The following RBFOX1 variants were observed in gnomAD, a reference collection of about 807,000 sequenced individuals.
The protein encoded by RBFOX1 is RNA binding protein fox-1 homolog 1.
RBFOX1 carries 8 observed loss-of-function variants against 57.7 expected under a neutral mutation model. The observed-to-expected ratio is 0.14, with a 90% CI of 0.08 to 0.25. The LOEUF (loss-of-function observed/expected upper bound fraction) is 0.25, where lower values mean the gene tolerates loss of function less well. Among genes scored for constraint, RBFOX1 ranks in the 10% least tolerant of loss-of-function variants. The pLI, the probability that RBFOX1 is intolerant of heterozygous loss-of-function variation, is 1.00. For synonymous variants in RBFOX1, 326 were observed against 222.4 expected (o/e 1.47, Z -4.15); for missense variants, 611 against 548.5 (o/e 1.11, Z -1.14).
At chr16:7,575,789 G>C (rs1032557538) in intron 5 of RBFOX1, among the ~76,000 whole-genome samples, 2 of 152,130 alleles carry the variant, frequency 1.3e-5, no homozygotes, top group African/African-American at 4.8e-5. Flanking sequence ...CCAGAAAAAA[G>C]AGAAAGAAAA....
At chr16:5,402,279 C>T (rs1596872811) in intron 1 of RBFOX1, among the ~76,000 whole-genome samples, 1 of 152,174 alleles carries the variant, frequency 6.6e-6, no homozygotes, top group Non-Finnish European at 1.5e-5. Context: ...CTCTCCTCCT[C>T]GCCTCTATCA....
intron 4 of RBFOX1, among the ~76,000 whole-genome samples, chr16:7,395,121 T>G (rs2098119943): frequency 6.6e-6 from 1 of 152,122 alleles, no homozygotes; most frequent in South Asian, 2.1e-4. Flanking sequence ...ATCCAATCTG[T>G]AGCTAAGAAC....
chr16:6,812,610 C>T (rs2088990375), intron 3 of RBFOX1, among the ~76,000 whole-genome samples: 1 of 152,130 alleles, frequency 6.6e-6, no homozygotes, highest in Non-Finnish European at 1.5e-5. Context: ...CTCCTGACCT[C>T]AATTGATCCA....
intron 2 of RBFOX1, among the ~76,000 whole-genome samples, chr16:5,566,309 C>A (rs2046064967): frequency 6.6e-6 from 1 of 152,098 alleles, no homozygotes; most frequent in Non-Finnish European, 1.5e-5. Flanking sequence ...ACTGTAACGG[C>A]ATTCCACTGT....
intron 3 of RBFOX1, among the ~76,000 whole-genome samples, chr16:6,792,148 A>T (rs75613704): frequency 0.029 from 4,384 of 152,286 alleles, 194 homozygotes; most frequent in African/African-American, 0.096. Flanking sequence ...AAACACATAA[A>T]CTATGCTTTT....
At chr16:5,246,671 TTC>T (rs2062307933) in intron 1 of RBFOX1, among the ~76,000 whole-genome samples, 1 of 151,230 alleles carries the variant, frequency 6.6e-6, no homozygotes, top group Non-Finnish European at 1.5e-5. Context: ...AATTTTCTTT[TTC>T]TTTCTTTTTT....
chr16:6,660,224 TAAAA>T (rs112347010), intron 3 of RBFOX1, among the ~76,000 whole-genome samples: 1 of 122,730 alleles, frequency 8.1e-6, no homozygotes, highest in Admixed American at 8.2e-5. Context: ...GACTTCATCT[TAAAA>T]AAAAAAAAAA....
At chr16:5,432,997 G>T (rs2067800994) in intron 1 of RBFOX1, among the ~76,000 whole-genome samples, 1 of 152,042 alleles carries the variant, frequency 6.6e-6, no homozygotes, top group South Asian at 2.1e-4. Context: ...TGTTGGCCAG[G>T]GTGGTCTCAA....
In RBFOX1 at chr16:7,008,377, A is replaced by G. The variant is rs138928053; in HGVS notation, c.-15-43680A>G. On this transcript the variant is annotated intron_variant, in intron 3 of 15. Transcript: ENST00000550418. ...GCCAGTATGATGAAACCCTGTCTCTACTAAAAATACAAAAATTAGCCAGGC... is the reference window on the plus strand; with the variant it reads ...GCCAGTATGATGAAACCCTGTCTCTGCTAAAAATACAAAAATTAGCCAGGC... 4.2e-3 allele frequency among the ~76,000 whole-genome samples: 632 copies of G among 152,098 alleles called. 1 individual carries two copies. Among genetic ancestry groups the G allele is most frequent in the Admixed American group, 9.3e-3 (142 of 15,276 alleles).
At chr16:5,865,511 A>G (rs1001355850) in intron 3 of RBFOX1, among the ~76,000 whole-genome samples, 2 of 152,134 alleles carry the variant, frequency 1.3e-5, no homozygotes, top group Admixed American at 6.5e-5. Flanking sequence ...TTAGAGGGCT[A>G]ATGGTGCATG....
At chr16:7,392,627 C>T (rs2098054503) in intron 4 of RBFOX1, among the ~76,000 whole-genome samples, 1 of 152,148 alleles carries the variant, frequency 6.6e-6, no homozygotes, top group Non-Finnish European at 1.5e-5. Context: ...GCCACTTTCT[C>T]CTAATCCCCT....
intron 2 of RBFOX1, among the ~76,000 whole-genome samples, chr16:6,326,154 T>C (rs1225494257): frequency 6.6e-6 from 1 of 152,244 alleles, no homozygotes; most frequent in African/African-American, 2.4e-5. Context: ...CAAGTTGCTA[T>C]GACATTGATA....
At chr16:7,244,638 A>G (rs11860241) in intron 4 of RBFOX1, among the ~76,000 whole-genome samples, 63,258 of 152,040 alleles carry the variant, frequency 0.42, 13,419 homozygotes, top group Middle Eastern at 0.53. Flanking sequence ...TATTCAACCA[A>G]TGTTGCTGCT....
chr16:7,056,088 C>G (rs1258988560), intron 4 of RBFOX1, among the ~76,000 whole-genome samples: 1 of 152,134 alleles, frequency 6.6e-6, no homozygotes. Context: ...CATATCCCCT[C>G]AGCATTAGGT....
chr16:6,512,695 C>A (rs569364149), intron 2 of RBFOX1, among the ~76,000 whole-genome samples: 1 of 152,212 alleles, frequency 6.6e-6, no homozygotes, highest in East Asian at 1.9e-4. Context: ...CTATGAGGAC[C>A]CTTGCTGTCT....
At chr16:6,719,581 C>T (rs939305419) in intron 3 of RBFOX1, among the ~76,000 whole-genome samples, 73 of 151,668 alleles carry the variant, frequency 4.8e-4, no homozygotes, top group Non-Finnish European at 7.4e-5. Flanking sequence ...GCTGGGACTA[C>T]AGGTGCCCAT....
At chr16:7,232,284 C>T (rs560034031) in intron 4 of RBFOX1, among the ~76,000 whole-genome samples, 2 of 152,194 alleles carry the variant, frequency 1.3e-5, no homozygotes, top group African/African-American at 4.8e-5. Flanking sequence ...TTAACAACCA[C>T]CACAACAAAA....
At chr16:6,468,165 C>G (rs776547343) in intron 2 of RBFOX1, among the ~76,000 whole-genome samples, 1 of 152,092 alleles carries the variant, frequency 6.6e-6, no homozygotes. Flanking sequence ...CTAACACCTC[C>G]AGTATAATGG....
At position 5,375,601 on chromosome 16, in the gene RBFOX1, G is replaced by A. The variant is rs562316875; in HGVS notation, c.220-91615G>A. ...TCCCACATTCTGTGTGAATATGGAC[G>A]CTGATACTGGCGTGGACACTAACAC... On this transcript the variant is annotated intron_variant, in intron 1 of 2. Coordinates refer to the RBFOX1 transcript ENST00000585867. 5.9e-5 allele frequency among the ~76,000 whole-genome samples: 9 copies of A among 152,318 alleles called. No individual in the cohort carries two copies. In the South Asian group the frequency reaches 8.3e-4, roughly 14 times the overall value.
Sources: allele counts gnomAD v4.1 joint callset (sites outside exome capture counted in the v4.1 genomes callset), GRCh38; gene constraint gnomAD v4.1.1; transcripts MANE v1.5; gene names NCBI Gene and HGNC (gene_info 2026-07-23, HGNC 2026-07-21).